Variants in GUCY1A2 observed in about 807,000 individuals in gnomAD.
The protein encoded by GUCY1A2 is guanylate cyclase 1 soluble subunit alpha 2, also known as guanylate cyclase soluble subunit alpha-2.
Under a neutral mutation model 63.5 loss-of-function variants are expected in GUCY1A2, and 27 were observed. That is an observed-to-expected ratio of 0.43 (90% CI 0.31 to 0.59). GUCY1A2 has a LOEUF of 0.59. Ranked by LOEUF, GUCY1A2 falls within the 20% of genes least tolerant of loss-of-function variation. The pLI is 0.11. For synonymous variants in GUCY1A2, 364 were observed against 343.5 expected, an observed-to-expected ratio of 1.06 and a Z score of -0.66; for missense variants, 768 against 913.3, an observed-to-expected ratio of 0.84 and a Z score of 2.05.
At chr11:106,981,477 CAAA>C (rs61474144) in intron 2 of GUCY1A2, among the ~76,000 whole-genome samples, 9 of 130,752 alleles carry the variant, frequency 6.9e-5, no homozygotes, top group Admixed American at 1.5e-4. Context: ...CTTATTCTGG[CAAA>C]AAAAAAAAAA....
chr11:106,727,013 C>T (rs1863420005), intron 6 of GUCY1A2, among the ~76,000 whole-genome samples: 2 of 152,054 alleles, frequency 1.3e-5, no homozygotes, highest in South Asian at 4.1e-4. Context: ...AAACCGAGGA[C>T]CTGAAGCCAA....
chr11:106,886,938 T>C (rs1168455237), intron 4 of GUCY1A2, among the ~76,000 whole-genome samples: 1 of 152,134 alleles, frequency 6.6e-6, no homozygotes, highest in African/African-American at 2.4e-5. Flanking sequence ...ATGCATCCTG[T>C]ACTCCAGCCT....
rs943923210 is a variant in GUCY1A2 at position 106,683,112 on chromosome 11, G to C, written c.*4437C>G. 5 of 216,864 alleles carry C rather than the reference G, an allele frequency of 2.3e-5. No individual in the cohort carries two copies. The highest frequency in any genetic ancestry group is 4.6e-5 in the Non-Finnish European group (5 of 107,736). 13.4% of individuals were successfully genotyped at this position (216,864 alleles called of 1,614,324 possible). The stretch of plus-strand genomic sequence containing the variant: ...TGTGGTTTAGGAACATTCATATCAA[G>C]AGCTGCCCATAAATCGTTTAGAAAT... On this transcript the variant is annotated 3_prime_UTR_variant, in exon 8 of 8. Coordinates refer to ENST00000526355, the MANE Select transcript of GUCY1A2 (RefSeq NM_000855.3).
intron 3 of GUCY1A2, among the ~76,000 whole-genome samples, chr11:106,940,919 C>G (rs1407625175): frequency 1.3e-5 from 2 of 152,150 alleles, no homozygotes; most frequent in Admixed American, 1.3e-4. Flanking sequence ...TATCATCTTA[C>G]TTCTTATCGA....
chr11:106,910,442 G>T (rs1006802971), intron 4 of GUCY1A2, among the ~76,000 whole-genome samples: 3 of 152,048 alleles, frequency 2.0e-5, no homozygotes, highest in East Asian at 3.9e-4. Context: ...AGGAAAAAAG[G>T]CATAGAACTT....
At position 106,675,092 on chromosome 11, in the gene GUCY1A2, G is replaced by A. The variant is rs1172709537; in HGVS notation, c.*12457C>T. 1 of 213,244 alleles carries A rather than the reference G, an allele frequency of 4.7e-6. No homozygotes were observed. The highest frequency in any genetic ancestry group is 9.5e-6 in the Non-Finnish European group (1 of 105,574). The allele number at this position is 213,244 out of a possible 1,614,324, so 13.2% of individuals were successfully genotyped here. On this transcript the variant is annotated 3_prime_UTR_variant, in exon 8 of 8. Coordinates refer to ENST00000526355, the MANE Select transcript of GUCY1A2 (RefSeq NM_000855.3). ...TAAAATGGCTACTCATGATTGAAGA[G>A]TCAGAATTCAGGTAGGTTGATTTTG...
intron 4 of GUCY1A2, among the ~76,000 whole-genome samples, chr11:106,832,367 T>C (rs144746126): frequency 4.0e-4 from 61 of 152,274 alleles, no homozygotes; most frequent in African/African-American, 1.4e-3. Flanking sequence ...GGGCAAACTA[T>C]GTATTAGAGA....
At chr11:106,970,350 A>G (rs193227516) in intron 3 of GUCY1A2, among the ~76,000 whole-genome samples, 413 of 152,344 alleles carry the variant, frequency 2.7e-3, no homozygotes, top group Non-Finnish European at 4.4e-3. Flanking sequence ...TACCTATTAC[A>G]GTAGTATCAT....
At position 106,687,638 on chromosome 11, in the gene GUCY1A2, T is replaced by G. The variant is rs768640691; in HGVS notation, c.2110A>C (p.Lys704Gln). 1.9e-6 allele frequency: 3 copies of G among 1,614,014 alleles called. No homozygotes were observed. The highest frequency in any genetic ancestry group is 2.5e-6 in the Non-Finnish European group (3 of 1,179,888). Residue 704 changes from lysine (K) to glutamine (Q), a missense_variant, in exon 8 of 8, where the codon AAG becomes CAG. Transcript: ENST00000526355. ...GAAGAAAGAGAAGGCTTTGGTGGCT[T>G]TGGACCAGTCCTTACCTCCAGGAAA... ...CYFLEVRTGP[K>Q]PPKPSLSSSR...
At chr11:106,864,598 T>C (rs1383105112) in intron 4 of GUCY1A2, among the ~76,000 whole-genome samples, 1 of 152,140 alleles carries the variant, frequency 6.6e-6, no homozygotes, top group Admixed American at 6.6e-5. Flanking sequence ...ATTCCATCAA[T>C]ACCTAGTTGA....
intron 1 of GUCY1A2, among the ~76,000 whole-genome samples, chr11:107,012,216 T>A (rs1213366511): frequency 1.3e-5 from 2 of 151,578 alleles, no homozygotes; most frequent in African/African-American, 2.4e-5. Context: ...ATTTTTTTAA[T>A]GGATTGTCTG....
At chr11:106,981,306 CA>C (rs1199926986) in intron 2 of GUCY1A2, among the ~76,000 whole-genome samples, 3 of 151,750 alleles carry the variant, frequency 2.0e-5, no homozygotes, top group African/African-American at 7.3e-5. Flanking sequence ...CCTCAATTGT[CA>C]AAAGAAAAAG....
intron 5 of GUCY1A2, among the ~76,000 whole-genome samples, chr11:106,795,072 A>G (rs1864730103): frequency 6.6e-6 from 1 of 152,192 alleles, no homozygotes; most frequent in Non-Finnish European, 1.5e-5. Flanking sequence ...TTTTTGTGTC[A>G]ACTGCAACAA....
At position 106,679,743 on chromosome 11, in the gene GUCY1A2, A is replaced by T. The variant is rs574571205; in HGVS notation, c.*7806T>A. On this transcript the variant is annotated 3_prime_UTR_variant, in exon 8 of 8. Transcript: ENST00000526355. Reference sequence around the variant, plus strand: ...CAGGGTTTTCTGTGGCATATGGCAGAGCTGGTATTGGGCCTTCTTTGTTCC... The same window carrying T: ...CAGGGTTTTCTGTGGCATATGGCAGTGCTGGTATTGGGCCTTCTTTGTTCC... 4.6e-6 allele frequency: 1 copy of T among 219,304 alleles called. No homozygotes were observed. The highest frequency in any genetic ancestry group is 6.6e-5 in the East Asian group (1 of 15,088). 13.6% of individuals were successfully genotyped at this position (219,304 alleles called of 1,614,324 possible). A position where few individuals can be genotyped will look rare whatever the true frequency, so the allele number is the denominator to read the frequency against.
chr11:106,906,131 G>T (rs942917469), intron 4 of GUCY1A2, among the ~76,000 whole-genome samples: 2 of 152,098 alleles, frequency 1.3e-5, no homozygotes, highest in Non-Finnish European at 2.9e-5. Context: ...TGCAGCAAAA[G>T]AAACTGTCAT....
intron 5 of GUCY1A2, among the ~76,000 whole-genome samples, chr11:106,791,278 T>TCA (rs1864655136): frequency 6.6e-6 from 1 of 152,178 alleles, no homozygotes; most frequent in Non-Finnish European, 1.5e-5. Context: ...CAATACAAAG[T>TCA]CTCACAATCA....
At chr11:106,758,753 T>C (rs942459284) in intron 6 of GUCY1A2, among the ~76,000 whole-genome samples, 1 of 152,216 alleles carries the variant, frequency 6.6e-6, no homozygotes, top group African/African-American at 2.4e-5. Flanking sequence ...CTTTCCATTA[T>C]TTTTTGATCA....
chr11:106,865,221 T>C (rs2135460262), intron 4 of GUCY1A2, among the ~76,000 whole-genome samples: 1 of 152,238 alleles, frequency 6.6e-6, no homozygotes, highest in East Asian at 1.9e-4. Flanking sequence ...TAGTTTGTAT[T>C]TCTCTGGGAT....
chr11:107,017,678 G>C (rs903809027), intron 1 of GUCY1A2, 75 bp downstream of exon 1: 17 of 894,628 alleles, frequency 1.9e-5, no homozygotes, highest in Non-Finnish European at 2.4e-5. Context: ...CTCGCGCCCC[G>C]GCTCGCCCAG....
Sources: gnomAD v4.1 joint callset for allele counts (sites outside exome capture counted in the v4.1 genomes callset) on GRCh38, gnomAD v4.1.1 for gene constraint, MANE v1.5 for transcripts, NCBI Gene and HGNC (gene_info 2026-07-23, HGNC 2026-07-21) for gene names.